The following ST6GALNAC6 variants were observed in gnomAD, a reference collection of about 807,000 sequenced individuals.
The protein encoded by ST6GALNAC6 is ST6 N-acetylgalactosaminide alpha-2,6-sialyltransferase 6.
ST6GALNAC6 carries 19 observed loss-of-function variants against 34.3 expected under a neutral mutation model. The ratio of observed to expected loss-of-function variants is 0.55; its 90% CI spans 0.39 to 0.81. The LOEUF is 0.81. Among genes scored for constraint, ST6GALNAC6 ranks in the 40% least tolerant of loss-of-function variants. The pLI is 0.00. For synonymous variants in ST6GALNAC6, 185 were observed against 182.1 expected (o/e 1.02, Z -0.13); for missense variants, 377 against 467.7 (o/e 0.81, Z 1.79).
chr9:127,906,058 A>G, upstream of ST6GALNAC6: 1 of 979,888 alleles, frequency 1.0e-6, no homozygotes, highest in Non-Finnish European at 1.2e-6. Context: ...TTCTGGGTCC[A>G]CCTGGCACTG....
At chr9:127,887,419 A>C in intron 6 of ST6GALNAC6, 65 bp downstream of exon 6, 8 of 1,393,688 alleles carry the variant, frequency 5.7e-6, no homozygotes, top group South Asian at 1.2e-5. Context: ...TCCAGCCCCT[A>C]GAGCTCCATC....
At chr9:127,895,743 C>T (rs568127320) in intron 3 of ST6GALNAC6, among the ~76,000 whole-genome samples, 1 of 152,330 alleles carries the variant, frequency 6.6e-6, no homozygotes, top group African/African-American at 2.4e-5. Flanking sequence ...TTCCAAACCT[C>T]AGGCTCCACC....
At chr9:127,905,336 G>C, upstream of ST6GALNAC6, 4 of 985,594 alleles carry the variant, frequency 4.1e-6, no homozygotes, top group Non-Finnish European at 4.8e-6. Flanking sequence ...CCTGGAGGAA[G>C]TGACTGACGC....
At chr9:127,898,102 G>T in intron 1 of ST6GALNAC6, 92 bp from the exon 2 acceptor site, 1 of 745,874 alleles carries the variant, frequency 1.3e-6, no homozygotes, top group Non-Finnish European at 2.3e-6. Flanking sequence ...GCTTGAAAGT[G>T]CTCCCACATT....
chr9:127,892,234 C>T (rs1054191427), intron 4 of ST6GALNAC6, among the ~76,000 whole-genome samples: 1 of 152,210 alleles, frequency 6.6e-6, no homozygotes, highest in Non-Finnish European at 1.5e-5. Context: ...ACCTCACAGT[C>T]TAACCACCCT....
At chr9:127,898,677 G>T (rs989073344) in intron 1 of ST6GALNAC6, among the ~76,000 whole-genome samples, 6 of 152,264 alleles carry the variant, frequency 3.9e-5, no homozygotes, top group African/African-American at 1.4e-4. Flanking sequence ...GGAGACTGAG[G>T]TTCAGAGAGG....
chr9:127,887,887 T>G lies in ST6GALNAC6; in HGVS notation c.705-296A>C, dbSNP rs147876589. 2.9e-3 allele frequency among the ~76,000 whole-genome samples: 446 copies of G among 152,160 alleles called. 3 individuals are homozygous for G. The highest frequency in any genetic ancestry group is 0.013 in the East Asian group (68 of 5,178). On this transcript the variant is annotated intron_variant, in intron 5 of 6. Transcript: ENST00000373146. ...CTGGGTCACAGTTGGGCAGGCTGAGTGACTATGATTGCAGAGCATGCTAAA... is the reference window on the plus strand; with the variant it reads ...CTGGGTCACAGTTGGGCAGGCTGAGGGACTATGATTGCAGAGCATGCTAAA...
chr9:127,896,165 G>A, intron 3 of ST6GALNAC6, 77 bp downstream of exon 3: 1 of 1,519,268 alleles, frequency 6.6e-7, no homozygotes, highest in African/African-American at 1.4e-5. Context: ...GCTGGGGTCT[G>A]AGACAGGTCC....
At chr9:127,901,169 G>A (rs1265758015), upstream of ST6GALNAC6, among the ~76,000 whole-genome samples, 2 of 152,130 alleles carry the variant, frequency 1.3e-5, no homozygotes, top group Non-Finnish European at 2.9e-5. Flanking sequence ...GAATGGAATT[G>A]TTTTATACAA....
rs1413895992 is a variant in ST6GALNAC6, at chr9:127,886,454, C to G, written c.*145G>C. 14 of 1,450,006 alleles carry G rather than the reference C, an allele frequency of 9.7e-6. No homozygotes were observed. The highest frequency in any genetic ancestry group is 1.2e-5 in the Non-Finnish European group (13 of 1,101,770). The allele number at this position is 1,450,006 out of a possible 1,614,324, so 89.8% of individuals were successfully genotyped here. The stretch of plus-strand genomic sequence containing the variant: ...AACAGATTCCCCAGGCCCTGATTGG[C>G]TGGAGGATACATCCTCCTCAAGGCC... On this transcript the variant is annotated 3_prime_UTR_variant, in exon 7 of 7. Coordinates refer to ENST00000373146, the MANE Select transcript of ST6GALNAC6 (RefSeq NM_013443.5).
chr9:127,901,025 C>G (rs926334381), upstream of ST6GALNAC6, among the ~76,000 whole-genome samples: 8 of 127,054 alleles, frequency 6.3e-5, no homozygotes, highest in East Asian at 1.5e-3. Flanking sequence ...AAAAAACTGT[C>G]TTGGAAACAA....
chr9:127,905,272 C>T, exon 1 of ST6GALNAC6: 1 of 985,586 alleles, frequency 1.0e-6, no homozygotes, highest in African/African-American at 1.7e-5. Context: ...ATCAAGACAG[C>T]CTTCAGTAGA....
chr9:127,903,305 C>T (rs1024922219), upstream of ST6GALNAC6: 1 of 152,100 alleles, frequency 6.6e-6, no homozygotes, highest in African/African-American at 2.4e-5. Flanking sequence ...CCTTTGCTTG[C>T]CTTTTAAAAA....
intron 4 of ST6GALNAC6, among the ~76,000 whole-genome samples, chr9:127,891,391 G>A (rs188377926): frequency 8.6e-4 from 131 of 152,134 alleles, no homozygotes; most frequent in South Asian, 3.7e-3. Flanking sequence ...CGAGGCAGGC[G>A]GATCACCTGA....
chr9:127,902,837 C>A (rs953313457), upstream of ST6GALNAC6, among the ~76,000 whole-genome samples: 1 of 151,252 alleles, frequency 6.6e-6, no homozygotes, highest in South Asian at 2.1e-4. Flanking sequence ...ATCCACCCCC[C>A]CTTGGCCTCC....
At chr9:127,904,497 C>T (rs141434331), upstream of ST6GALNAC6, 1 of 152,336 alleles carries the variant, frequency 6.6e-6, no homozygotes, top group East Asian at 1.9e-4. Context: ...TTTTTCCCTT[C>T]CATGGTATTC....
In ST6GALNAC6 at chr9:127,896,252, C is replaced by T. The variant is rs772923138; in HGVS notation, c.107G>A (p.Ser36Asn). The change falls in exon 3 of 7, where the codon AGT (serine) becomes AAT (asparagine). Residue 36 changes from serine to asparagine, a missense_variant. Ser to Asn is a conservative substitution (Grantham distance 46, BLOSUM62 1). Coordinates refer to ENST00000373146, the MANE Select transcript of ST6GALNAC6 (RefSeq NM_013443.5). ...LPLSRRRREM[S>N]SNKEQRSAVF... ...TGAAGGCAGACTTACTTTGTTGCTA[C>T]TCATTTCTCTCCGGCGTCTGCTGAG... The T allele has an allele frequency of 6.8e-6, 11 of 1,614,096 alleles. No individual in the cohort carries two copies. The East Asian group carries it at 2.0e-4, about 29-fold the overall frequency.
chr9:127,894,192 T>A (rs538236722), intron 4 of ST6GALNAC6, among the ~76,000 whole-genome samples: 1 of 152,308 alleles, frequency 6.6e-6, no homozygotes, highest in South Asian at 2.1e-4. Context: ...TTTTGTGTTG[T>A]CAAATGTCCC....
chr9:127,887,613 G>A (rs763912418), intron 5 of ST6GALNAC6, 22 bp from the exon 6 acceptor site: 30 of 1,582,090 alleles, frequency 1.9e-5, no homozygotes, highest in African/African-American at 2.7e-5. Context: ...GAGGGGTCAC[G>A]ATGAGGGCAC....
Sources: gnomAD v4.1 joint callset for allele counts (sites outside exome capture counted in the v4.1 genomes callset) on GRCh38, gnomAD v4.1.1 for gene constraint, MANE v1.5 for transcripts, NCBI Gene and HGNC (gene_info 2026-07-23, HGNC 2026-07-21) for gene names.